Variants in NWD1 observed in about 807,000 individuals in gnomAD.
NWD1 encodes NACHT and WD repeat domain containing 1.
NWD1 carries 129 observed loss-of-function variants against 135.1 expected under a neutral mutation model. The ratio of observed to expected loss-of-function variants is 0.96; its 90% CI spans 0.83 to 1.11. The LOEUF (loss-of-function observed/expected upper bound fraction) is 1.11. Ranked by LOEUF, NWD1 falls within the 50% of genes least tolerant of loss-of-function variation. The pLI is 0.00. For missense variants in NWD1, 1,740 were observed against 1,851.3 expected, an observed-to-expected ratio of 0.94 and a Z score of 1.10; for synonymous variants, 773 against 786.0, an observed-to-expected ratio of 0.98 and a Z score of 0.28.
At chr19:16,772,661 A>G (rs1969456653) in intron 10 of NWD1, among the ~76,000 whole-genome samples, 1 of 151,988 alleles carries the variant, frequency 6.6e-6, no homozygotes, top group African/African-American at 2.4e-5. Flanking sequence ...TAAATAAATA[A>G]AATAAAATAA....
chr19:16,787,734 C>A (rs917630911), intron 12 of NWD1, among the ~76,000 whole-genome samples: 1 of 151,462 alleles, frequency 6.6e-6, no homozygotes, highest in Non-Finnish European at 1.5e-5. Flanking sequence ...GTGGCACATG[C>A]CTGTAATCCC....
intron 9 of NWD1, 139 bp from the exon 10 acceptor site, chr19:16,764,895 C>A: frequency 1.1e-6 from 1 of 927,332 alleles, no homozygotes; most frequent in Non-Finnish European, 1.6e-6. Flanking sequence ...CCCCTTACCA[C>A]AGAGAATGAT....
rs959878345 is a variant in NWD1 at position 16,785,545 on chromosome 19, A to G, written c.2732-3437A>G. Reference sequence around the variant, plus strand: ...AAATAAAATAAAATAAAATAAACAAACAAAATTTAAAAAATTAACGTGATA... The same window carrying G: ...AAATAAAATAAAATAAAATAAACAAGCAAAATTTAAAAAATTAACGTGATA... On this transcript the variant is annotated intron_variant, in intron 12 of 18. Transcript: ENST00000524140. Among the ~76,000 whole-genome samples the G allele has an allele frequency of 2.6e-5, 4 of 151,034 alleles. No individual in the cohort carries two copies. In the East Asian group the frequency reaches 7.7e-4, roughly 29 times the overall value.
At chr19:16,792,879 A>C (rs1970295371) in intron 14 of NWD1, among the ~76,000 whole-genome samples, 1 of 147,800 alleles carries the variant, frequency 6.8e-6, no homozygotes, top group South Asian at 2.1e-4. Flanking sequence ...TCCATCTCAA[A>C]AAAAAAAAAA....
chr19:16,808,153 C>T lies in NWD1; in HGVS notation c.4287+17C>T. The T allele has an allele frequency of 1.9e-6, 3 of 1,609,528 alleles. No homozygotes were observed. The highest frequency in any genetic ancestry group is 1.7e-6 in the Non-Finnish European group (2 of 1,177,402). On this transcript the variant is annotated intron_variant, in intron 18 of 18. Coordinates refer to ENST00000524140, the MANE Select transcript of NWD1 (RefSeq NM_001007525.5). ...AGCTACACGGTGGGTGGCCCGCCTC[C>T]CCATGTTCATGCTAGACCCAGGCAT...
chr19:16,787,895 AATAATAATAATCATCATCATC>A (rs1181733403), intron 12 of NWD1, among the ~76,000 whole-genome samples: 1 of 83,264 alleles, frequency 1.2e-5, no homozygotes, highest in African/African-American at 5.4e-5. Context: ...TAATAATAAT[AATAATAATAATCATCATCATC>A]ATCATCATCA....
At chr19:16,731,861 C>T (rs1005603403) in intron 3 of NWD1, among the ~76,000 whole-genome samples, 2 of 151,978 alleles carry the variant, frequency 1.3e-5, no homozygotes, top group Admixed American at 6.6e-5. Context: ...CACCGAGCCC[C>T]GTAGATTCTG....
intron 4 of NWD1, among the ~76,000 whole-genome samples, chr19:16,737,619 T>C (rs910792145): frequency 6.6e-6 from 1 of 150,512 alleles, no homozygotes; most frequent in Non-Finnish European, 1.5e-5. Context: ...CTGGCCTGAG[T>C]CCTAATTTAT....
rs146553378 is a variant in NWD1 at position 16,807,782 on chromosome 19, G to T, written c.3933G>T (p.Glu1311Asp). The change falls in exon 18 of 19, where the codon GAG (glutamate) becomes GAT (aspartate). Residue 1311 changes from glutamate (E) to aspartate (D), a missense_variant. Glu to Asp is a conservative substitution (Grantham distance 45). Coordinates refer to ENST00000524140, the MANE Select transcript of NWD1 (RefSeq NM_001007525.5). ...AINCMSLSKC[E>D]DRLAIAYDNI... ...ACTGCATGTCCCTGAGCAAGTGCGA[G>T]GACCGCCTGGCCATCGCCTATGACA... 12,117 of 1,613,852 alleles carry T rather than the reference G, an allele frequency of 7.5e-3. 74 individuals carry two copies. Among genetic ancestry groups the T allele is most frequent in the Non-Finnish European group, 7.5e-3 (8,869 of 1,179,772 alleles).
chr19:16,722,527 G>A (rs1047072648), intron 1 of NWD1, among the ~76,000 whole-genome samples: 7 of 151,766 alleles, frequency 4.6e-5, no homozygotes, highest in South Asian at 2.1e-4. Flanking sequence ...GACCTCAGGC[G>A]ATCCGCCCAC....
In NWD1 at chr19:16,749,878, G is replaced by A. The variant is rs1968493586; in HGVS notation, c.1236G>A (p.Arg412=). 1 of 1,613,300 alleles carries A rather than the reference G, an allele frequency of 6.2e-7. No homozygotes were observed. The highest frequency in any genetic ancestry group is 8.5e-7 in the Non-Finnish European group (1 of 1,179,956). Residue 412 remains arginine (R), a synonymous_variant, in exon 6 of 19, where the codon AGG becomes AGA. Coordinates refer to ENST00000524140, the MANE Select transcript of NWD1 (RefSeq NM_001007525.5). ...CCCAGGTTCTGGACGCCCACACCAG[G>A]GTGGTCCAGTTTTTCCATACCCTCC... ...PPAQVLDAHT[R]VVQFFHTLLH...
chr19:16,735,527 A>G (rs1318177037), intron 3 of NWD1, among the ~76,000 whole-genome samples: 1 of 151,376 alleles, frequency 6.6e-6, no homozygotes, highest in African/African-American at 2.4e-5. Flanking sequence ...AAAAAAAGAA[A>G]GAAAGAAAGA....
chr19:16,747,758 G>T (rs2122791514), intron 5 of NWD1, among the ~76,000 whole-genome samples: 1 of 152,146 alleles, frequency 6.6e-6, no homozygotes, highest in Non-Finnish European at 1.5e-5. Flanking sequence ...CCATCAATCT[G>T]CTTTCTGTCT....
chr19:16,722,350 G>A (rs979105365), intron 1 of NWD1, among the ~76,000 whole-genome samples: 3 of 150,648 alleles, frequency 2.0e-5, no homozygotes, highest in African/African-American at 4.9e-5. Context: ...GTGCAATGGT[G>A]CGATCTCAGC....
intron 1 of NWD1, chr19:16,721,406 C>T (rs1034262676): frequency 6.6e-6 from 1 of 152,102 alleles, no homozygotes; most frequent in Non-Finnish European, 1.5e-5. Context: ...AGGCAGTAAC[C>T]AAGGGAGCGT....
Position 16,762,297 on chromosome 19 carries a change from C to CTTTTTT in NWD1, c.2133+171_2133+176dup, listed in dbSNP as rs71180331. 4.8e-3 allele frequency among the ~76,000 whole-genome samples: 564 copies of CTTTTTT among 118,078 alleles called. 23 individuals are homozygous for CTTTTTT. Among genetic ancestry groups the CTTTTTT allele is most frequent in the Non-Finnish European group, 6.0e-3 (353 of 59,294 alleles). 77.5% of individuals were successfully genotyped at this position (118,078 alleles called of 152,430 possible). ...GTCCCTTCTACTGTCCCCCCCACTC[C>CTTTTTT]TTTTTTTTTTTTTTTTTGAGACAGA... On this transcript the variant is annotated intron_variant, in intron 8 of 18. Coordinates refer to ENST00000524140, the MANE Select transcript of NWD1 (RefSeq NM_001007525.5).
Position 16,797,821 on chromosome 19 carries a change from G to A in NWD1, c.3394G>A (p.Glu1132Lys). ...AMDLEHEDMV[E>K]TAVFGTENNL... ...GGATCTGGAACATGAAGACATGGTG[G>A]AGACGGCTGTTTTTGGTACTGAGAA... Residue 1132 changes from glutamate to lysine, a missense_variant, in exon 16 of 19, where the codon GAG (glutamate) becomes AAG (lysine). Coordinates refer to ENST00000524140, the MANE Select transcript of NWD1 (RefSeq NM_001007525.5). The A allele has an allele frequency of 6.2e-7, 1 of 1,614,108 alleles. No homozygotes were observed. The highest frequency in any genetic ancestry group is 8.5e-7 in the Non-Finnish European group (1 of 1,179,952).
intron 14 of NWD1, among the ~76,000 whole-genome samples, chr19:16,792,238 A>G (rs990636971): frequency 1.3e-5 from 2 of 152,076 alleles, no homozygotes; most frequent in Non-Finnish European, 2.9e-5. Flanking sequence ...GGCTGCTTTC[A>G]TGGACATTAA....
chr19:16,779,428 A>G lies in NWD1; in HGVS notation c.2694A>G (p.Glu898=). The G allele has an allele frequency of 6.2e-7, 1 of 1,613,576 alleles. No homozygotes were observed. The highest frequency in any genetic ancestry group is 1.3e-5 in the African/African-American group (1 of 75,002). Residue 898 remains glutamate (E), a synonymous_variant, in exon 12 of 19, where the codon GAA becomes GAG. Coordinates refer to ENST00000524140, the MANE Select transcript of NWD1 (RefSeq NM_001007525.5). ...GCATCATGGCTGTGTGGGACATGGA[A>G]GAGCAGCATGTGATCCACATGCTAA... ...QDGIMAVWDM[E]EQHVIHMLTG...
Sources: gnomAD v4.1 joint callset for allele counts (sites outside exome capture counted in the v4.1 genomes callset) on GRCh38, gnomAD v4.1.1 for gene constraint, MANE v1.5 for transcripts, NCBI Gene and HGNC (gene_info 2026-07-23, HGNC 2026-07-21) for gene names.